RBFOX1: variants seen among roughly 807,000 people sequenced by gnomAD.
RBFOX1 encodes the protein RNA binding fox-1 homolog 1.
RBFOX1 carries 8 observed loss-of-function variants against 57.7 expected under a neutral mutation model. The observed-to-expected ratio is 0.14, with a 90% confidence interval of 0.08 to 0.25. The LOEUF is 0.25. Ranked by LOEUF, RBFOX1 falls within the 10% of genes least tolerant of loss-of-function variation. The pLI is 1.00. For synonymous variants in RBFOX1, 326 were observed against 222.4 expected, an observed-to-expected ratio of 1.47 and a Z score of -4.15; for missense variants, 611 against 548.5, an observed-to-expected ratio of 1.11 and a Z score of -1.14.
intron 3 of RBFOX1, among the ~76,000 whole-genome samples, chr16:5,798,327 G>T (rs1366572097): frequency 6.6e-6 from 1 of 152,208 alleles, no homozygotes; most frequent in Non-Finnish European, 1.5e-5. Context: ...CTTCCAAGCA[G>T]TGTCGATTTC....
chr16:5,254,591 C>T (rs1396569211), intron 1 of RBFOX1, among the ~76,000 whole-genome samples: 1 of 152,210 alleles, frequency 6.6e-6, no homozygotes, highest in East Asian at 1.9e-4. Context: ...TCTCTCTTAC[C>T]TGTTCAGTTT....
intron 3 of RBFOX1, among the ~76,000 whole-genome samples, chr16:5,679,962 A>G (rs2050280654): frequency 6.6e-6 from 1 of 152,218 alleles, no homozygotes; most frequent in African/African-American, 2.4e-5. Context: ...CACCTAGGAA[A>G]CATATATTGT....
chr16:5,827,792 C>G (rs2056117543), intron 3 of RBFOX1, among the ~76,000 whole-genome samples: 1 of 152,100 alleles, frequency 6.6e-6, no homozygotes, highest in Non-Finnish European at 1.5e-5. Flanking sequence ...TTCTCCTACA[C>G]TCGTCCATTC....
chr16:6,869,522 G>A (rs2060507301), intron 3 of RBFOX1, among the ~76,000 whole-genome samples: 1 of 151,708 alleles, frequency 6.6e-6, no homozygotes, highest in Admixed American at 6.6e-5. Context: ...CATATAAAAG[G>A]GTTTTATGAA....
intron 2 of RBFOX1, among the ~76,000 whole-genome samples, chr16:5,499,060 C>A (rs1479181939): frequency 1.3e-5 from 2 of 152,096 alleles, no homozygotes; most frequent in Non-Finnish European, 2.9e-5. Flanking sequence ...CACAAGTGCC[C>A]CAGGTGGTGC....
At chr16:6,199,329 T>C (rs925053188) in intron 1 of RBFOX1, among the ~76,000 whole-genome samples, 1 of 152,206 alleles carries the variant, frequency 6.6e-6, no homozygotes, top group Non-Finnish European at 1.5e-5. Flanking sequence ...TTTCCCCTAA[T>C]AGAATGCCAT....
intron 3 of RBFOX1, among the ~76,000 whole-genome samples, chr16:6,839,187 G>A (rs2093318735): frequency 6.7e-6 from 1 of 148,444 alleles, no homozygotes; most frequent in Admixed American, 6.7e-5. Flanking sequence ...GTTTCACCAT[G>A]TTGGCCAGGC....
At chr16:5,805,869 C>T (rs1427186718) in intron 3 of RBFOX1, among the ~76,000 whole-genome samples, 3 of 152,174 alleles carry the variant, frequency 2.0e-5, no homozygotes, top group African/African-American at 7.2e-5. Flanking sequence ...GGAAGGGGAT[C>T]CATCAATATG....
Position 6,991,161 on chromosome 16 carries a change from A to AAAAAAAC in RBFOX1, c.-15-60895_-15-60894insAAAAACA, listed in dbSNP as rs1271872183. ...CAAAAAAAAAAAAAAAAAAAAAAAA[A>AAAAAAAC]AGACACGGTGGCGTGTACCTTTAGT... On this transcript the variant is annotated intron_variant, in intron 3 of 15. Transcript: ENST00000550418. Among the ~76,000 whole-genome samples the AAAAAAAC allele has an allele frequency of 2.0e-3, 277 of 139,990 alleles. 12 individuals carry two copies. The highest frequency in any genetic ancestry group is 5.4e-3 in the South Asian group (21 of 3,896). 91.8% of individuals were successfully genotyped at this position (139,990 alleles called of 152,430 possible).
At chr16:5,275,101 CAT>C (rs2063110087) in intron 1 of RBFOX1, among the ~76,000 whole-genome samples, 1 of 152,222 alleles carries the variant, frequency 6.6e-6, no homozygotes, top group Non-Finnish European at 1.5e-5. Flanking sequence ...GTCAAGTCCT[CAT>C]GTGACAATAT....
chr16:6,239,910 A>G (rs1598705359), intron 1 of RBFOX1, among the ~76,000 whole-genome samples: 2 of 152,270 alleles, frequency 1.3e-5, no homozygotes, highest in East Asian at 3.9e-4. Context: ...GTCCCCGCCC[A>G]TATCTCATGT....
chr16:7,382,180 A>G (rs895273291), intron 4 of RBFOX1, among the ~76,000 whole-genome samples: 7 of 152,196 alleles, frequency 4.6e-5, no homozygotes, highest in African/African-American at 1.7e-4. Context: ...AATATATCAC[A>G]CTTAGCCACT....
intron 2 of RBFOX1, among the ~76,000 whole-genome samples, chr16:6,513,268 A>C (rs2096290834): frequency 6.6e-6 from 1 of 152,208 alleles, no homozygotes; most frequent in African/African-American, 2.4e-5. Context: ...AGTGGTTGCC[A>C]CGTAGCAAAT....
intron 4 of RBFOX1, among the ~76,000 whole-genome samples, chr16:7,325,905 T>TA (rs2096605310): frequency 6.6e-6 from 1 of 152,218 alleles, no homozygotes; most frequent in African/African-American, 2.4e-5. Flanking sequence ...TCTTCTCACC[T>TA]ACGCTGGATG....
At chr16:7,683,912 C>T (rs996233147) in intron 14 of RBFOX1, among the ~76,000 whole-genome samples, 2 of 151,984 alleles carry the variant, frequency 1.3e-5, no homozygotes, top group Non-Finnish European at 2.9e-5. Flanking sequence ...GCTCATGCAG[C>T]ATTTGTGGAT....
At chr16:6,721,046 G>C (rs1372591963) in intron 3 of RBFOX1, among the ~76,000 whole-genome samples, 1 of 152,164 alleles carries the variant, frequency 6.6e-6, no homozygotes, top group Non-Finnish European at 1.5e-5. Flanking sequence ...GGCATAGTCT[G>C]TTCACAATAA....
chr16:5,491,992 G>C (rs2151673059), intron 2 of RBFOX1, among the ~76,000 whole-genome samples: 1 of 152,296 alleles, frequency 6.6e-6, no homozygotes, highest in Non-Finnish European at 1.5e-5. Flanking sequence ...CTAGTGTGTG[G>C]CCAGGGTTGA....
intron 12 of RBFOX1, among the ~76,000 whole-genome samples, chr16:7,661,660 G>T (rs1230637900): frequency 6.6e-6 from 1 of 152,182 alleles, no homozygotes; most frequent in African/African-American, 2.4e-5. Context: ...ACTCTGGGAG[G>T]GCAGGGTTAC....
intron 2 of RBFOX1, among the ~76,000 whole-genome samples, chr16:5,530,411 G>T (rs1157108891): frequency 6.6e-6 from 1 of 152,166 alleles, no homozygotes; most frequent in Non-Finnish European, 1.5e-5. Flanking sequence ...CCAAGGTCAA[G>T]CAGCTATTAG....
Sources: allele counts gnomAD v4.1 joint callset (sites outside exome capture counted in the v4.1 genomes callset), GRCh38; gene constraint gnomAD v4.1.1; transcripts MANE v1.5; gene names NCBI Gene and HGNC (gene_info 2026-07-23, HGNC 2026-07-21).